Variants in SOX5 observed in about 807,000 individuals in gnomAD.
SOX5 encodes the protein SRY-box transcription factor 5.
A neutral mutation model predicts 92.0 loss-of-function variants in SOX5; 9 were observed. The ratio of observed to expected loss-of-function variants is 0.10; its 90% CI spans 0.06 to 0.17. The LOEUF (loss-of-function observed/expected upper bound fraction) is 0.17, where lower values mean the gene tolerates loss of function less well. Ranked by LOEUF, SOX5 falls within the 10% of genes least tolerant of loss-of-function variation. The probability of loss-of-function intolerance (pLI) is 1.00; values close to 1 mark genes in which losing one functional copy is unlikely to be tolerated. For missense variants in SOX5, 642 were observed against 944.5 expected, an observed-to-expected ratio of 0.68 and a Z score of 4.20; for synonymous variants, 344 against 336.3, an observed-to-expected ratio of 1.02 and a Z score of -0.25.
chr12:24,190,463 C>T (rs1422747303), intron 4 of SOX5, among the ~76,000 whole-genome samples: 2 of 152,128 alleles, frequency 1.3e-5, no homozygotes, highest in East Asian at 1.9e-4. Flanking sequence ...AAGCCCTGTC[C>T]GATTGCTCTT....
intron 1 of SOX5, among the ~76,000 whole-genome samples, chr12:24,546,733 G>A (rs1313771646): frequency 2.0e-5 from 3 of 152,168 alleles, no homozygotes; most frequent in African/African-American, 7.2e-5. Context: ...AAATATAACT[G>A]ATAAAAAGTT....
intron 1 of SOX5, among the ~76,000 whole-genome samples, chr12:24,430,428 A>C (rs894645908): frequency 6.6e-6 from 1 of 151,912 alleles, no homozygotes; most frequent in Non-Finnish European, 1.5e-5. Flanking sequence ...CTAAATGTAT[A>C]TTTATGATAT....
At chr12:24,098,633 A>G (rs1945714123) in intron 4 of SOX5, among the ~76,000 whole-genome samples, 1 of 152,210 alleles carries the variant, frequency 6.6e-6, no homozygotes, top group Non-Finnish European at 1.5e-5. Context: ...GAATAAGAAC[A>G]AAAGCAAAAT....
At chr12:23,719,739 T>C (rs1297935458) in intron 6 of SOX5, among the ~76,000 whole-genome samples, 1 of 122,418 alleles carries the variant, frequency 8.2e-6, no homozygotes, top group African/African-American at 3.2e-5. Flanking sequence ...TGCATGAGCC[T>C]GGGCAACAGA....
chr12:24,287,034 T>C (rs1214463613), intron 2 of SOX5, among the ~76,000 whole-genome samples: 2 of 152,210 alleles, frequency 1.3e-5, no homozygotes, highest in Admixed American at 6.5e-5. Flanking sequence ...TTGGGTCATG[T>C]AGCTTTAAGA....
intron 2 of SOX5, among the ~76,000 whole-genome samples, chr12:24,280,024 T>G (rs993395403): frequency 2.0e-5 from 3 of 151,346 alleles, no homozygotes; most frequent in Middle Eastern, 3.4e-3. Flanking sequence ...TAAATCATTG[T>G]TTTTTTTTCT....
At chr12:24,466,448 C>A (rs1944245869) in intron 1 of SOX5, among the ~76,000 whole-genome samples, 1 of 152,044 alleles carries the variant, frequency 6.6e-6, no homozygotes, top group African/African-American at 2.4e-5. Context: ...AACTACCCTT[C>A]CCACTTGAAA....
intron 4 of SOX5, among the ~76,000 whole-genome samples, chr12:24,024,241 C>G (rs768177346): frequency 6.6e-6 from 1 of 151,932 alleles, no homozygotes; most frequent in Non-Finnish European, 1.5e-5. Flanking sequence ...CTTTCCAGGA[C>G]AAACTTCTAT....
At chr12:24,499,199 G>C (rs976310092) in intron 1 of SOX5, among the ~76,000 whole-genome samples, 4 of 152,324 alleles carry the variant, frequency 2.6e-5, no homozygotes, top group African/African-American at 9.6e-5. Flanking sequence ...GGCATGGCCC[G>C]TGAAACCAGA....
chr12:24,281,961 CGATTTCCGGG>C (rs1945260841), intron 2 of SOX5, among the ~76,000 whole-genome samples: 1 of 44,172 alleles, frequency 2.3e-5, no homozygotes, highest in Non-Finnish European at 4.8e-5. Flanking sequence ...TTCCTCGATG[CGATTTCCGGG>C]GCATCACCTA....
chr12:23,959,950 T>C (rs1429127773), intron 4 of SOX5, among the ~76,000 whole-genome samples: 1 of 152,208 alleles, frequency 6.6e-6, no homozygotes, highest in South Asian at 2.1e-4. Context: ...TCCCTGCAGA[T>C]AGAGTTTACT....
intron 4 of SOX5, among the ~76,000 whole-genome samples, chr12:24,091,915 T>C (rs772672286): frequency 3.9e-5 from 6 of 152,132 alleles, no homozygotes; most frequent in Admixed American, 1.3e-4. Flanking sequence ...ATACCTTACT[T>C]GATCTCTGCA....
intron 4 of SOX5, 43 bp from the exon 5 acceptor site, chr12:23,741,082 A>G: frequency 1.4e-6 from 2 of 1,468,060 alleles, no homozygotes; most frequent in Non-Finnish European, 9.2e-7. Context: ...TAAATGAAAA[A>G]AAGTAATTAT....
At chr12:24,246,225 C>T (rs1938667024) in intron 3 of SOX5, among the ~76,000 whole-genome samples, 1 of 150,012 alleles carries the variant, frequency 6.7e-6, no homozygotes, top group African/African-American at 2.4e-5. Context: ...AAATTGCTTG[C>T]TTCAGTTTTT....
In SOX5 at chr12:23,808,114, G is replaced by GATAT. The variant is rs68032222; in HGVS notation, c.481+37865_481+37868dup. On this transcript the variant is annotated intron_variant, in intron 3 of 14. Coordinates refer to ENST00000451604, the MANE Select transcript of SOX5 (RefSeq NM_006940.6). ...ATCCTTGTTTTCCCTTCAGAATTCT[G>GATAT]ATATATATATATATATATTTTTATA... Among the ~76,000 whole-genome samples the GATAT allele has an allele frequency of 8.4e-3, 1,256 of 149,932 alleles. 16 individuals carry two copies. Among genetic ancestry groups the GATAT allele is most frequent in the African/African-American group, 0.03 (1,207 of 40,880 alleles).
At chr12:23,862,298 A>C (rs959857384) in intron 2 of SOX5, among the ~76,000 whole-genome samples, 1 of 152,136 alleles carries the variant, frequency 6.6e-6, no homozygotes. Flanking sequence ...TAAAGGCCCC[A>C]TGTCTCTGGT....
chr12:24,474,598 T>G (rs1162249677), intron 1 of SOX5, among the ~76,000 whole-genome samples: 2 of 147,052 alleles, frequency 1.4e-5, no homozygotes, highest in Non-Finnish European at 3.0e-5. Flanking sequence ...TGCAGTGGCG[T>G]GATCTCAGTT....
intron 2 of SOX5, among the ~76,000 whole-genome samples, chr12:23,861,059 G>A (rs963147401): frequency 2.7e-5 from 4 of 149,172 alleles, no homozygotes; most frequent in Non-Finnish European, 5.9e-5. Context: ...GAAGGCTCTA[G>A]AACAACAAAG....
At chr12:23,930,373 A>G (rs1343552403) in intron 1 of SOX5, among the ~76,000 whole-genome samples, 1 of 151,812 alleles carries the variant, frequency 6.6e-6, no homozygotes, top group Non-Finnish European at 1.5e-5. Context: ...TGATATTCAG[A>G]CTTGTGTTTT....
Sources: allele counts gnomAD v4.1 joint callset (sites outside exome capture counted in the v4.1 genomes callset), GRCh38; gene constraint gnomAD v4.1.1; transcripts MANE v1.5; gene names NCBI Gene and HGNC (gene_info 2026-07-23, HGNC 2026-07-21).